Variants in ACAA2 observed in about 807,000 individuals in gnomAD.
The protein encoded by ACAA2 is 3-ketoacyl-CoA thiolase, mitochondrial.
In ACAA2, 35 loss-of-function variants were observed where a neutral mutation model predicts 44.8. That is an observed-to-expected ratio of 0.78 (90% CI 0.60 to 1.04). The LOEUF (loss-of-function observed/expected upper bound fraction) is 1.04. Ranked by LOEUF, ACAA2 falls within the 50% of genes least tolerant of loss-of-function variation. The probability of loss-of-function intolerance (pLI) is 0.00; values close to 1 mark genes in which losing one functional copy is unlikely to be tolerated. For synonymous variants in ACAA2, 142 were observed against 166.5 expected (o/e 0.85, Z 1.13); for missense variants, 468 against 482.6 (o/e 0.97, Z 0.28).
chr18:49,803,750 G>A (rs1452295299), intron 1 of ACAA2, among the ~76,000 whole-genome samples: 1 of 152,138 alleles, frequency 6.6e-6, no homozygotes, highest in Non-Finnish European at 1.5e-5. Flanking sequence ...GTGCCTTAGG[G>A]TTGTCTGAGG....
intron 8 of ACAA2, 63 bp downstream of exon 8, chr18:49,787,228 T>C (rs928427206): frequency 2.4e-6 from 3 of 1,259,322 alleles, no homozygotes; most frequent in Admixed American, 7.8e-5. Context: ...AAGTCATTTA[T>C]GCTATAAAAG....
At chr18:49,810,768 G>C (rs1323889882) in intron 1 of ACAA2, among the ~76,000 whole-genome samples, 1 of 151,508 alleles carries the variant, frequency 6.6e-6, no homozygotes, top group East Asian at 1.9e-4. Context: ...GCTCACTGCA[G>C]CCTCAACCTC....
chr18:49,795,911 C>T (rs1318103949), intron 3 of ACAA2, 30 bp from the exon 4 acceptor site: 4 of 1,368,390 alleles, frequency 2.9e-6, no homozygotes, highest in Non-Finnish European at 4.1e-6. Flanking sequence ...AATAAAAACT[C>T]CTTTTACCGT....
At position 49,783,449 on chromosome 18, in the gene ACAA2, G is replaced by GTATC; in HGVS notation, c.*394_*397dup. The GTATC allele has an allele frequency of 6.1e-6, 1 of 163,832 alleles. No individual in the cohort carries two copies. Among genetic ancestry groups the GTATC allele is most frequent in the South Asian group, 1.7e-4 (1 of 5,964 alleles). The allele number at this position is 163,832 out of a possible 1,614,324, so 10.1% of individuals were successfully genotyped here. A position where few individuals can be genotyped will look rare whatever the true frequency, so the allele number is the denominator to read the frequency against. On this transcript the variant is annotated 3_prime_UTR_variant, in exon 10 of 10. Coordinates refer to ENST00000285093, the MANE Select transcript of ACAA2 (RefSeq NM_006111.3). ...TAAGATGGTAAAGTTTATGTAATGT[G>GTATC]TATCTTATCACAATTTAAAATTTTT...
rs1436770455 is a variant in ACAA2 at position 49,787,363 on chromosome 18, TATATAATA to T, written c.884-10_884-3del. 7.1e-7 allele frequency: 1 copy of T among 1,408,726 alleles called. No individual in the cohort carries two copies. The highest frequency in any genetic ancestry group is 1.5e-5 in the African/African-American group (1 of 66,818). The allele number at this position is 1,408,726 out of a possible 1,614,324, so 87.3% of individuals were successfully genotyped here. On this transcript the variant is annotated splice_polypyrimidine_tract_variant and splice_region_variant and intron_variant, in intron 7 of 9. Transcript: ENST00000285093. ...CCCCACTGATAGCAGGGACAGGACC[TATATAATA>T]ATAAAAATCTTCTATAAAAATATAG... is the stretch of plus-strand genomic sequence containing the variant.
Position 49,787,271 on chromosome 18 carries a change from A to AAAAAC in ACAA2, c.954+19_954+20insGTTTT. 1.4e-5 allele frequency: 19 copies of AAAAAC among 1,333,994 alleles called. No homozygotes were observed. Among genetic ancestry groups the AAAAAC allele is most frequent in the Admixed American group, 3.4e-5 (1 of 29,008 alleles). The allele number at this position is 1,333,994 out of a possible 1,614,324, so 82.6% of individuals were successfully genotyped here. On this transcript the variant is annotated intron_variant, in intron 8 of 9. Transcript: ENST00000285093. ...TTTATTCATGTTGTTAAAAAAAAAA[A>AAAAAC]AAAAAAAAAAAACACTTACCTCTAC...
Position 49,792,345 on chromosome 18 carries a change from G to T in ACAA2, c.578-18C>A, listed in dbSNP as rs757044920. 1.3e-6 allele frequency: 2 copies of T among 1,586,544 alleles called. No homozygotes were observed. The highest frequency in any genetic ancestry group is 8.6e-7 in the Non-Finnish European group (1 of 1,159,292). On this transcript the variant is annotated intron_variant, in intron 5 of 9. Coordinates refer to ENST00000285093, the MANE Select transcript of ACAA2 (RefSeq NM_006111.3). ...ATCATTAGCTGAAAAATAGTAGAGA[G>T]ACTATCATAAGAATAAAAGAGAGAA...
chr18:49,793,259 A>G (rs2023427020), intron 5 of ACAA2, among the ~76,000 whole-genome samples: 2 of 152,364 alleles, frequency 1.3e-5, no homozygotes, highest in Admixed American at 6.5e-5. Context: ...AGTAATCTAT[A>G]GCTTTGGAAA....
At chr18:49,801,524 T>C (rs1049038016) in intron 2 of ACAA2, among the ~76,000 whole-genome samples, 1 of 151,990 alleles carries the variant, frequency 6.6e-6, no homozygotes, top group East Asian at 1.9e-4. Context: ...AAAGACAATA[T>C]TGAGAATTCT....
At chr18:49,808,082 A>G (rs533545611) in intron 1 of ACAA2, among the ~76,000 whole-genome samples, 48 of 152,336 alleles carry the variant, frequency 3.2e-4, no homozygotes, top group African/African-American at 1.1e-3. Flanking sequence ...AAATAAGCAT[A>G]TGAAAAGATG....
At chr18:49,807,400 T>C (rs143849550) in intron 1 of ACAA2, among the ~76,000 whole-genome samples, 328 of 151,832 alleles carry the variant, frequency 2.2e-3, no homozygotes, top group Admixed American at 4.3e-3. Context: ...AAAGAGATCA[T>C]AGACTTAAAT....
At chr18:49,803,617 G>C (rs887335231) in intron 1 of ACAA2, among the ~76,000 whole-genome samples, 1 of 152,174 alleles carries the variant, frequency 6.6e-6, no homozygotes, top group Admixed American at 6.5e-5. Flanking sequence ...ATTCTGGTTA[G>C]ACAACTTTCT....
At chr18:49,793,967 C>A (rs1167418215) in intron 5 of ACAA2, among the ~76,000 whole-genome samples, 1 of 152,196 alleles carries the variant, frequency 6.6e-6, no homozygotes, top group African/African-American at 2.4e-5. Context: ...TCACCTCTGA[C>A]AGAACGTATC....
chr18:49,806,095 G>A (rs2023607616), intron 1 of ACAA2, among the ~76,000 whole-genome samples: 1 of 152,162 alleles, frequency 6.6e-6, no homozygotes, highest in African/African-American at 2.4e-5. Context: ...GTAAGGAGAA[G>A]AGTTGATACT....
chr18:49,795,475 C>T (rs1465569345), intron 4 of ACAA2, among the ~76,000 whole-genome samples: 1 of 152,108 alleles, frequency 6.6e-6, no homozygotes, highest in African/African-American at 2.4e-5. Context: ...TCCACTTCTT[C>T]CCTTCCTCCA....
At position 49,792,179 on chromosome 18, in the gene ACAA2, A is replaced by G. The variant is rs368801454; in HGVS notation, c.726T>C (p.Asp242=). 9.5e-5 allele frequency: 153 copies of G among 1,613,976 alleles called. No homozygotes were observed. The highest frequency in any genetic ancestry group is 1.2e-4 in the Non-Finnish European group (140 of 1,179,898). ...LQKLPPVFKK[D]GTVTAGNASG... ...ATGCATTCCCTGCAGTAACAGTTCC[A>G]TCTTTCTTGAATACTGGAGGAAGTT... is the stretch of plus-strand genomic sequence containing the variant. Residue 242 remains aspartate, a synonymous_variant, in exon 6 of 10, where the codon GAT becomes GAC. Transcript: ENST00000285093.
chr18:49,802,941 C>A (rs949434076), intron 1 of ACAA2, 88 bp from the exon 2 acceptor site: 12 of 1,455,756 alleles, frequency 8.2e-6, no homozygotes, highest in Non-Finnish European at 1.2e-5. Context: ...AAACCTTACA[C>A]AATTTAAAAT....
At chr18:49,791,280 G>T (rs1024896078) in intron 7 of ACAA2, among the ~76,000 whole-genome samples, 190 bp downstream of exon 7, 1 of 152,162 alleles carries the variant, frequency 6.6e-6, no homozygotes, top group African/African-American at 2.4e-5. Context: ...CCTCCATGGA[G>T]TTTACACGGT....
chr18:49,789,721 C>A (rs538504423), intron 7 of ACAA2, among the ~76,000 whole-genome samples: 38 of 149,976 alleles, frequency 2.5e-4, no homozygotes. Context: ...TGGTGGCTCA[C>A]GCCTGTAATC....
Sources: gnomAD v4.1 joint callset for allele counts (sites outside exome capture counted in the v4.1 genomes callset) on GRCh38, gnomAD v4.1.1 for gene constraint, MANE v1.5 for transcripts, NCBI Gene and HGNC (gene_info 2026-07-23, HGNC 2026-07-21) for gene names.